The following GRHL2 variants were observed in gnomAD, a reference collection of about 807,000 sequenced individuals.
GRHL2 encodes grainyhead-like protein 2 homolog.
In GRHL2, 21 loss-of-function variants were observed where a neutral mutation model predicts 83.8. The observed-to-expected ratio is 0.25, with a 90% CI of 0.18 to 0.36. The LOEUF (loss-of-function observed/expected upper bound fraction) is 0.36, where lower values mean the gene tolerates loss of function less well. GRHL2 is among the 10% of genes least tolerant of loss of function. The pLI is 1.00. For synonymous variants in GRHL2, 280 were observed against 278.9 expected, an observed-to-expected ratio of 1.00 and a Z score of -0.04; for missense variants, 623 against 781.8, an observed-to-expected ratio of 0.80 and a Z score of 2.42.
chr8:101,512,350 G>A (rs1810483957), intron 1 of GRHL2, among the ~76,000 whole-genome samples: 1 of 152,020 alleles, frequency 6.6e-6, no homozygotes, highest in African/African-American at 2.4e-5. Context: ...ATGTTCCTCA[G>A]TATCATTAAA....
chr8:101,679,071 T>C, the GRHL2 span, among the ~76,000 whole-genome samples: 1 of 138,748 alleles, frequency 7.2e-6, no homozygotes, highest in South Asian at 2.6e-4. Flanking sequence ...CAAAGCTGGA[T>C]GGAGAATGAC....
intron 9 of GRHL2, among the ~76,000 whole-genome samples, chr8:101,621,272 T>C (rs981964005): frequency 1.3e-5 from 2 of 151,972 alleles, no homozygotes; most frequent in African/African-American, 4.8e-5. Context: ...ACAAAACAGG[T>C]GAAAACTGTA....
chr8:101,662,905 C>A (rs1813954078), intron 14 of GRHL2, among the ~76,000 whole-genome samples: 1 of 149,048 alleles, frequency 6.7e-6, no homozygotes, highest in Admixed American at 6.6e-5. Context: ...GGGATCACAC[C>A]ATAAACACAG....
At chr8:101,535,495 T>C (rs1811026710) in intron 1 of GRHL2, among the ~76,000 whole-genome samples, 1 of 152,168 alleles carries the variant, frequency 6.6e-6, no homozygotes, top group South Asian at 2.1e-4. Context: ...TTTGGTGTCA[T>C]TCTTGGATCT....
At chr8:101,630,714 C>A (rs1813170111) in intron 9 of GRHL2, among the ~76,000 whole-genome samples, 1 of 152,150 alleles carries the variant, frequency 6.6e-6, no homozygotes, top group East Asian at 1.9e-4. Flanking sequence ...AGAGTGTCAC[C>A]TGCCTAGTGC....
chr8:101,521,913 C>T (rs1810693703), intron 1 of GRHL2, among the ~76,000 whole-genome samples: 1 of 152,094 alleles, frequency 6.6e-6, no homozygotes, highest in Non-Finnish European at 1.5e-5. Flanking sequence ...GTCAACACTG[C>T]CCCCTGCACC....
chr8:101,630,234 C>T (rs903349685), intron 9 of GRHL2, among the ~76,000 whole-genome samples: 4 of 152,180 alleles, frequency 2.6e-5, no homozygotes, highest in Admixed American at 2.0e-4. Context: ...TGTGTCATGG[C>T]GTCATGCTGG....
At chr8:101,593,015 C>T (rs750573523) in intron 7 of GRHL2, among the ~76,000 whole-genome samples, 2 of 151,454 alleles carry the variant, frequency 1.3e-5, no homozygotes, top group Non-Finnish European at 1.5e-5. Flanking sequence ...GGTGTGATCT[C>T]GGCTCACTGC....
chr8:101,555,010 A>G (rs1209779885), intron 3 of GRHL2, among the ~76,000 whole-genome samples: 1 of 152,250 alleles, frequency 6.6e-6, no homozygotes, highest in African/African-American at 2.4e-5. Flanking sequence ...CTAGATTTAT[A>G]CAATTCCATA....
intron 1 of GRHL2, among the ~76,000 whole-genome samples, chr8:101,534,650 C>T (rs1811005887): frequency 6.6e-6 from 1 of 151,626 alleles, no homozygotes. Flanking sequence ...AATCCAAGTG[C>T]AAGATGATGG....
the GRHL2 span, among the ~76,000 whole-genome samples, chr8:101,680,229 A>G: frequency 2.4e-5 from 3 of 126,904 alleles, no homozygotes; most frequent in Admixed American, 2.5e-4. Context: ...GGATGGAGGA[A>G]GATCTACCAA....
rs1563626984 is a variant in GRHL2, at chr8:101,652,401, G to GTGTGTGGT, written c.1698+2902_1698+2903insTGTGTGGT. On this transcript the variant is annotated intron_variant, in intron 14 of 15. Coordinates refer to ENST00000646743, the MANE Select transcript of GRHL2 (RefSeq NM_024915.4). ...GTGTGTGTGGTGTGTGTGTGTGTCT[G>GTGTGTGGT]GTGTGTGTGTGGTGTGTGTGTGTGG... Among the ~76,000 whole-genome samples the GTGTGTGGT allele has an allele frequency of 1.1e-4, 7 of 62,290 alleles. 2 individuals are homozygous for GTGTGTGGT. Among genetic ancestry groups the GTGTGTGGT allele is most frequent in the African/African-American group, 6.5e-4 (7 of 10,752 alleles). 40.9% of individuals were successfully genotyped at this position (62,290 alleles called of 152,430 possible). A position where few individuals can be genotyped will look rare whatever the true frequency, so the allele number is the denominator to read the frequency against.
chr8:101,673,292 G>A (rs1814238228), downstream of GRHL2, among the ~76,000 whole-genome samples: 1 of 152,000 alleles, frequency 6.6e-6, no homozygotes, highest in Admixed American at 6.5e-5. Context: ...TCTGTGTGCT[G>A]TATTCAGGAA....
chr8:101,647,183 G>A (rs574133266), intron 13 of GRHL2, among the ~76,000 whole-genome samples: 7 of 152,266 alleles, frequency 4.6e-5, no homozygotes, highest in South Asian at 4.1e-4. Flanking sequence ...CCAGGAGTTC[G>A]AGAAACCCCC....
At position 101,558,171 on chromosome 8, in the gene GRHL2, T is replaced by G. The variant is rs79138916; in HGVS notation, c.285-248T>G. On this transcript the variant is annotated intron_variant, in intron 3 of 15. Coordinates refer to ENST00000646743, the MANE Select transcript of GRHL2 (RefSeq NM_024915.4). ...TGAGGCACCGCGCCTGGCCTCGTTT[T>G]GTTTTTGTTTTTTACAGTGAGACTG... 0.064 allele frequency among the ~76,000 whole-genome samples: 9,794 copies of G among 152,184 alleles called. 352 individuals carry two copies. Among genetic ancestry groups the G allele is most frequent in the Middle Eastern group, 0.12 (35 of 294 alleles).
intron 1 of GRHL2, among the ~76,000 whole-genome samples, chr8:101,534,436 T>C (rs1455634443): frequency 2.0e-5 from 3 of 150,390 alleles, no homozygotes; most frequent in African/African-American, 7.4e-5. Flanking sequence ...GGGGTGGGAG[T>C]AGGGGAGAGA....
chr8:101,577,584 G>A, intron 7 of GRHL2, 65 bp downstream of exon 7: 1 of 1,061,044 alleles, frequency 9.4e-7, no homozygotes, highest in Non-Finnish European at 1.4e-6. Context: ...AATGCCAAGG[G>A]GAGCCTGGCG....
chr8:101,505,370 G>A (rs1480015588), intron 1 of GRHL2, among the ~76,000 whole-genome samples: 2 of 152,100 alleles, frequency 1.3e-5, no homozygotes, highest in African/African-American at 4.8e-5. Context: ...CTTAGGTCGG[G>A]AGTTTGAGAC....
intron 8 of GRHL2, among the ~76,000 whole-genome samples, chr8:101,607,572 C>T (rs1812656829): frequency 6.6e-6 from 1 of 152,178 alleles, no homozygotes; most frequent in African/African-American, 2.4e-5. Flanking sequence ...TGATTTTAAA[C>T]AGGCGATCTT....
Sources: allele counts gnomAD v4.1 joint callset (sites outside exome capture counted in the v4.1 genomes callset), GRCh38; gene constraint gnomAD v4.1.1; transcripts MANE v1.5; gene names NCBI Gene and HGNC (gene_info 2026-07-23, HGNC 2026-07-21).